Variants in TAGAP observed in about 807,000 individuals in gnomAD.
The protein encoded by TAGAP is T-cell activation Rho GTPase-activating protein.
Under a neutral mutation model 36.0 loss-of-function variants are expected in TAGAP, and 16 were observed. The observed-to-expected ratio is 0.44, with a 90% CI of 0.30 to 0.68. TAGAP has a LOEUF of 0.68. TAGAP is among the 30% of genes least tolerant of loss of function. The probability of loss-of-function intolerance (pLI) is 0.09; values close to 1 mark genes in which losing one functional copy is unlikely to be tolerated. For missense variants in TAGAP, 794 were observed against 921.5 expected (o/e 0.86, Z 1.79); for synonymous variants, 372 against 377.4 (o/e 0.99, Z 0.17).
At chr6:159,042,458 G>T in intron 4 of TAGAP, 1 of 1,075,552 alleles carries the variant, frequency 9.3e-7, no homozygotes, top group Non-Finnish European at 1.3e-6. Flanking sequence ...AGGGCAACCA[G>T]TTCCCTAAAC....
In TAGAP at chr6:159,043,642, T is replaced by G. The variant is rs764960822; in HGVS notation, c.95A>C (p.Glu32Ala). The G allele has an allele frequency of 1.2e-6, 2 of 1,613,940 alleles. No individual in the cohort carries two copies. The highest frequency in any genetic ancestry group is 2.7e-5 in the African/African-American group (2 of 74,932). The part of the protein sequence containing the change: ...IECQSEGDIK[E>A]HPLLASCESE... ...CTCACATGATGCCAACAGGGGATGTTCCTTGATATCACCCTAAAAACATTT... is the reference window on the plus strand; with the variant it reads ...CTCACATGATGCCAACAGGGGATGTGCCTTGATATCACCCTAAAAACATTT... Residue 32 changes from glutamate (E) to alanine (A), a missense_variant, in exon 4 of 10, where the codon GAA becomes GCA. Transcript: ENST00000367066.
intron 8 of TAGAP, chr6:159,038,807 T>C (rs1779649571): frequency 3.5e-6 from 3 of 864,170 alleles, no homozygotes; most frequent in South Asian, 5.2e-5. Flanking sequence ...GTGTCCCAGA[T>C]TGATAGACTG....
At chr6:159,038,265 C>CTTTTTTT (rs559846736) in intron 8 of TAGAP, 37 bp from the exon 9 acceptor site, 2 of 459,846 alleles carry the variant, frequency 4.3e-6, no homozygotes, top group African/African-American at 2.6e-5. Flanking sequence ...AGCTTGAAGA[C>CTTTTTTT]TTTTTTTTTT....
rs755503632 is a variant in TAGAP, at chr6:159,040,707, G to A, written c.587+16C>T. The A allele has an allele frequency of 1.2e-6, 2 of 1,606,164 alleles. No homozygotes were observed. The highest frequency in any genetic ancestry group is 1.7e-6 in the Non-Finnish European group (2 of 1,172,990). On this transcript the variant is annotated intron_variant, in intron 7 of 9. Coordinates refer to ENST00000367066, the MANE Select transcript of TAGAP (RefSeq NM_054114.5). ...GTGATGTGGCCTGGCAATGACCGAT[G>A]ACTTTGATGACTTACTGTTTCAGGG...
At chr6:159,039,003 A>T (rs1779656464) in intron 8 of TAGAP, 111 bp downstream of exon 8, 1 of 1,578,780 alleles carries the variant, frequency 6.3e-7, no homozygotes, top group East Asian at 2.3e-5. Context: ...TTATATTTTC[A>T]CTGTGATTCT....
chr6:159,041,667 C>A lies in TAGAP; in HGVS notation c.316-152G>T. 3 of 874,840 alleles carry A rather than the reference C, an allele frequency of 3.4e-6. No homozygotes were observed. The highest frequency in any genetic ancestry group is 5.0e-6 in the Non-Finnish European group (3 of 602,932). 54.2% of individuals were successfully genotyped at this position (874,840 alleles called of 1,614,324 possible). A position where few individuals can be genotyped will look rare whatever the true frequency, so the allele number is the denominator to read the frequency against. ...ACCCTGCTATTTTTCTAAGAGGAGG[C>A]AAATTGTGAAAGCTCTAATTTTGCA... is the stretch of plus-strand genomic sequence containing the variant. On this transcript the variant is annotated intron_variant, in intron 5 of 9. Transcript: ENST00000367066. This position sits in a 1 kb window ranked among gnomAD's most constrained non-coding sequence, Gnocchi z 4.1.
intron 4 of TAGAP, 95 bp from the exon 5 acceptor site, chr6:159,042,339 T>G: frequency 2.6e-6 from 4 of 1,530,784 alleles, no homozygotes; most frequent in Non-Finnish European, 3.5e-6. Flanking sequence ...GGCCGCATAA[T>G]GTGGTCAATA....
At position 159,036,484 on chromosome 6, in the gene TAGAP, A is replaced by G. The variant is rs752727215; in HGVS notation, c.1539T>C (p.Phe513=). 2.5e-6 allele frequency: 4 copies of G among 1,614,030 alleles called. No homozygotes were observed. The highest frequency in any genetic ancestry group is 2.2e-5 in the East Asian group (1 of 44,868). The part of the protein sequence containing the change: ...EIKKHSMSFT[F]APHKKVLTKN... ...TGGTCAGCACTTTTTTGTGAGGGGC[A>G]AAGGTGAAAGACATGGAGTGCTTTT... The change falls in exon 10 of 10, where the codon TTT becomes TTC. Residue 513 remains phenylalanine (F), a synonymous_variant. Coordinates refer to ENST00000367066, the MANE Select transcript of TAGAP (RefSeq NM_054114.5). This position sits in a 1 kb window ranked among gnomAD's most constrained non-coding sequence, Gnocchi z 4.9.
chr6:159,044,299 A>G (rs1779859209), intron 1 of TAGAP, 95 bp from the exon 2 acceptor site: 1 of 680,288 alleles, frequency 1.5e-6, no homozygotes, highest in African/African-American at 1.9e-5. Context: ...GAAACTATTT[A>G]TTTATTTTTC....
intron 8 of TAGAP, 94 bp from the exon 9 acceptor site, chr6:159,038,322 G>A: frequency 1.5e-6 from 1 of 646,952 alleles, no homozygotes; most frequent in Non-Finnish European, 2.7e-6. Flanking sequence ...CTGGAGTCAG[G>A]TGCCAAAATG....
At chr6:159,043,170 A>G (rs530484547) in intron 4 of TAGAP, 2 of 170,232 alleles carry the variant, frequency 1.2e-5, no homozygotes, top group South Asian at 2.5e-4. Flanking sequence ...AATGAAATGC[A>G]TTATGAAAAA....
Position 159,035,022 on chromosome 6 carries a change from T to C in TAGAP, c.*805A>G, listed in dbSNP as rs1172677123. 4.6e-5 allele frequency: 7 copies of C among 152,358 alleles called. No homozygotes were observed. Among genetic ancestry groups the C allele is most frequent in the Admixed American group, 4.6e-4 (7 of 15,284 alleles). 9.4% of individuals were successfully genotyped at this position (152,358 alleles called of 1,614,324 possible). ...ACTTTCAAATAAGGAAGGCAATTTA[T>C]TGTAGTGAAATTACATTGAAGTTTT... is the stretch of plus-strand genomic sequence containing the variant. On this transcript the variant is annotated 3_prime_UTR_variant, in exon 10 of 10. Transcript: ENST00000367066.
In TAGAP at chr6:159,036,654, G is replaced by C. The variant is rs1207733607; in HGVS notation, c.1369C>G (p.Leu457Val). The C allele has an allele frequency of 1.2e-6, 2 of 1,614,072 alleles. No homozygotes were observed. The highest frequency in any genetic ancestry group is 1.3e-5 in the African/African-American group (1 of 74,936). The change falls in exon 10 of 10, where the codon CTC becomes GTC. Residue 457 changes from leucine (L) to valine (V), a missense_variant. By Grantham distance (32) the Leu-to-Val change is conservative. Coordinates refer to ENST00000367066, the MANE Select transcript of TAGAP (RefSeq NM_054114.5). The surrounding 1 kb of genome is among the most constrained non-coding windows in gnomAD (Gnocchi z 4.9). The part of the protein sequence containing the change: ...PGSVLPRALV[L>V]KAFSSSSLDA... ...AGCGAGCTGCTGGAGAAGGCTTTGA[G>C]AACCAGTGCCCGCGGGAGCACCGAA...
chr6:159,038,288 TGGA>T, intron 8 of TAGAP, 60 bp from the exon 9 acceptor site: 1 of 811,198 alleles, frequency 1.2e-6, no homozygotes, highest in African/African-American at 1.8e-5. Flanking sequence ...TTTTTTTTTT[TGGA>T]GGTGAGGAAG....
At chr6:159,044,682 A>G (rs1157276695) in intron 1 of TAGAP, among the ~76,000 whole-genome samples, 197 bp downstream of exon 1, 1 of 152,114 alleles carries the variant, frequency 6.6e-6, no homozygotes, top group Admixed American at 6.5e-5. Flanking sequence ...AGTAAACATG[A>G]AACAAAGATA....
At position 159,041,120 on chromosome 6, in the gene TAGAP, G is replaced by T; in HGVS notation, c.477+234C>A. On this transcript the variant is annotated intron_variant, in intron 6 of 9. Coordinates refer to ENST00000367066, the MANE Select transcript of TAGAP (RefSeq NM_054114.5). This position sits in a 1 kb window ranked among gnomAD's most constrained non-coding sequence, Gnocchi z 4.1. ...GATTCTGCCACGGAACAATCAAATT[G>T]CCCGTACTTGGCAAAGTTTTGGGAG... is the stretch of plus-strand genomic sequence containing the variant. 1.6e-6 allele frequency: 1 copy of T among 615,178 alleles called. No homozygotes were observed. The highest frequency in any genetic ancestry group is 2.8e-6 in the Non-Finnish European group (1 of 359,008). The allele number at this position is 615,178 out of a possible 1,614,324, so 38.1% of individuals were successfully genotyped here.
In TAGAP at chr6:159,044,931, T is replaced by C. The variant is rs1349707492; in HGVS notation, c.-111A>G. The C allele has an allele frequency of 5.0e-6, 2 of 398,494 alleles. No homozygotes were observed. Among genetic ancestry groups the C allele is most frequent in the East Asian group, 3.5e-5 (1 of 28,214 alleles). 24.7% of individuals were successfully genotyped at this position (398,494 alleles called of 1,614,324 possible). On this transcript the variant is annotated 5_prime_UTR_variant, in exon 1 of 10. Transcript: ENST00000367066. ...TTTACATCCGGTGAGCTGTAAAGAATGGGAGAAACAGCATAACTCTCTGCT... is the reference window on the plus strand; with the variant it reads ...TTTACATCCGGTGAGCTGTAAAGAACGGGAGAAACAGCATAACTCTCTGCT...
chr6:159,043,807 G>A (rs1211484399), intron 3 of TAGAP, 152 bp from the exon 4 acceptor site: 13 of 1,011,412 alleles, frequency 1.3e-5, no homozygotes, highest in Non-Finnish European at 1.9e-5. Context: ...GCAATATTAA[G>A]GTCTTGATTG....
rs766166426 is a variant in TAGAP, at chr6:159,036,831, T to G, written c.1192A>C (p.Thr398Pro). The change falls in exon 10 of 10, where the codon ACA (threonine) becomes CCA (proline). Residue 398 changes from threonine to proline, a missense_variant. Transcript: ENST00000367066. The surrounding 1 kb of genome is among the most constrained non-coding windows in gnomAD (Gnocchi z 4.9). ...ACGGGGAAGTCCCCTTCACTCTTTG[T>G]TAGTGTTTGGTTTGTCACCCGGCTC... is the stretch of plus-strand genomic sequence containing the variant. ...LESRVTNQTL[T>P]KSEGDFPVPR... 4 of 1,614,198 alleles carry G rather than the reference T, an allele frequency of 2.5e-6. No individual in the cohort carries two copies. The South Asian group carries it at 3.3e-5, about 13-fold the overall frequency.
Sources: allele counts gnomAD v4.1 joint callset (sites outside exome capture counted in the v4.1 genomes callset), GRCh38; gene constraint gnomAD v4.1.1; non-coding constraint Gnocchi (gnomAD v3.1); transcripts MANE v1.5; gene names NCBI Gene and HGNC (gene_info 2026-07-23, HGNC 2026-07-21).